The following TNRC6A variants were observed in gnomAD, a reference collection of about 807,000 sequenced individuals.
TNRC6A encodes trinucleotide repeat containing adaptor 6A, also known as trinucleotide repeat-containing gene 6A protein.
TNRC6A carries 44 observed loss-of-function variants against 221.2 expected under a neutral mutation model. The ratio of observed to expected loss-of-function variants is 0.20; its 90% confidence interval spans 0.16 to 0.26. TNRC6A has a LOEUF of 0.26. Among genes scored for constraint, TNRC6A ranks in the 10% least tolerant of loss-of-function variants. TNRC6A has a pLI of 1.00. For missense variants in TNRC6A, 2,199 were observed against 2,404.4 expected (o/e 0.91, Z 1.79); for synonymous variants, 847 against 838.5 (o/e 1.01, Z -0.18).
intron 2 of TNRC6A, among the ~76,000 whole-genome samples, chr16:24,723,933 C>T (rs1387721992): frequency 6.6e-6 from 1 of 152,188 alleles, no homozygotes. Context: ...TGATAGTACA[C>T]ATAGGTGTCA....
At chr16:24,779,126 G>A (rs1380574338) in intron 5 of TNRC6A, among the ~76,000 whole-genome samples, 1 of 152,160 alleles carries the variant, frequency 6.6e-6, no homozygotes, top group Non-Finnish European at 1.5e-5. Context: ...TTACAGGTGT[G>A]GGTTCAGATG....
intron 2 of TNRC6A, among the ~76,000 whole-genome samples, chr16:24,735,309 A>G (rs1441400565): frequency 6.6e-6 from 1 of 152,244 alleles, no homozygotes; most frequent in Non-Finnish European, 1.5e-5. Flanking sequence ...CTAGGACAGC[A>G]GGAGTAAAAC....
intron 5 of TNRC6A, among the ~76,000 whole-genome samples, chr16:24,787,528 G>A (rs2058000543): frequency 6.6e-6 from 1 of 152,102 alleles, no homozygotes; most frequent in Admixed American, 6.6e-5. Flanking sequence ...TTAGTGTGTT[G>A]GTTTGCTTAC....
At chr16:24,674,692 C>T (rs1023566239) in intron 2 of TNRC6A, among the ~76,000 whole-genome samples, 2 of 100,344 alleles carry the variant, frequency 2.0e-5, no homozygotes, top group African/African-American at 1.0e-4. Flanking sequence ...ACACTGCCCC[C>T]ACCACACACA....
chr16:24,715,249 A>G (rs988807003), intron 2 of TNRC6A, among the ~76,000 whole-genome samples: 1 of 151,852 alleles, frequency 6.6e-6, no homozygotes, highest in East Asian at 1.9e-4. Context: ...TTATTTTTTA[A>G]TTTTTTGTAG....
At chr16:24,647,525 G>A (rs777728189) in intron 2 of TNRC6A, among the ~76,000 whole-genome samples, 3 of 152,108 alleles carry the variant, frequency 2.0e-5, no homozygotes, top group African/African-American at 4.8e-5. Flanking sequence ...TTAATCATCT[G>A]TAGGTATACA....
intron 2 of TNRC6A, among the ~76,000 whole-genome samples, chr16:24,648,457 A>G (rs1269817899): frequency 6.6e-6 from 1 of 151,744 alleles, no homozygotes. Context: ...TTTTTAGTAG[A>G]GACGGGGTTT....
intron 2 of TNRC6A, among the ~76,000 whole-genome samples, chr16:24,648,324 T>G (rs1596590257): frequency 7.4e-6 from 1 of 135,338 alleles, no homozygotes; most frequent in South Asian, 2.5e-4. Flanking sequence ...CAGGCTGGAG[T>G]GCAGTGGCAC....
At chr16:24,715,451 CA>C in intron 2 of TNRC6A, among the ~76,000 whole-genome samples, 1 of 152,022 alleles carries the variant, frequency 6.6e-6, no homozygotes, top group Non-Finnish European at 1.5e-5. Context: ...ACCACTGATG[CA>C]AAACCCTCCT....
Position 24,664,314 on chromosome 16 carries a change from G to A in TNRC6A, n.402+23305G>A, listed in dbSNP as rs543329493. On this transcript the variant is annotated intron_variant and non_coding_transcript_variant, in intron 2 of 2. Transcript: ENST00000566108. ...CCACTGCACTCCAGTGTGGGGGACA[G>A]AGTGTGACCCAAATAATAATAAAAT... Among the ~76,000 whole-genome samples the A allele has an allele frequency of 1.9e-4, 28 of 151,344 alleles. 1 individual carries two copies. Among genetic ancestry groups the A allele is most frequent in the Admixed American group, 1.7e-3 (26 of 15,046 alleles).
rs12596320 is a variant in TNRC6A, at chr16:24,806,184, C to T, written c.4252-22C>T. On this transcript the variant is annotated intron_variant, in intron 15 of 24. Transcript: ENST00000395799. The stretch of plus-strand genomic sequence containing the variant: ...TTTGTAATGGTGTGATAGTAACAAC[C>T]TTTTCGCTATCTTTCCTCTAGCGAT... 0.033 allele frequency: 53,036 copies of T among 1,613,154 alleles called. 5,239 individuals carry two copies. The East Asian group carries it at 0.36, about 11-fold the overall frequency.
At position 24,736,463 on chromosome 16, in the gene TNRC6A, A is replaced by G. The variant is rs536010983; in HGVS notation, c.53+6163A>G. Among the ~76,000 whole-genome samples, 21 of 152,212 alleles carry G rather than the reference A, an allele frequency of 1.4e-4. No homozygotes were observed. In the South Asian group the frequency reaches 3.9e-3, roughly 29 times the overall value. On this transcript the variant is annotated intron_variant, in intron 2 of 24. Coordinates refer to ENST00000395799, the MANE Select transcript of TNRC6A (RefSeq NM_014494.4). ...AAAGTTGTATTTGTTCTTTCACTCA[A>G]TTGCTGTATCCTGGGTTGCATTTAG...
intron 2 of TNRC6A, among the ~76,000 whole-genome samples, chr16:24,742,941 A>C (rs2056923635): frequency 6.6e-6 from 1 of 152,204 alleles, no homozygotes. Flanking sequence ...AAATAAAATA[A>C]AATAATTAGA....
chr16:24,822,858 C>G lies in TNRC6A; in HGVS notation c.5374-16C>G, dbSNP rs1596846540. 1 of 1,612,730 alleles carries G rather than the reference C, an allele frequency of 6.2e-7. No individual in the cohort carries two copies. Among genetic ancestry groups the G allele is most frequent in the East Asian group, 2.2e-5 (1 of 44,872 alleles). On this transcript the variant is annotated splice_polypyrimidine_tract_variant and intron_variant, in intron 23 of 24. Coordinates refer to ENST00000395799, the MANE Select transcript of TNRC6A (RefSeq NM_014494.4). Reference sequence around the variant, plus strand: ...CGGTGACGCCTCTCACTGGCAGTTTCCACACTGTTTCCTAGATCGATGGCT... The same window carrying G: ...CGGTGACGCCTCTCACTGGCAGTTTGCACACTGTTTCCTAGATCGATGGCT...
chr16:24,797,344 TAAC>T lies in TNRC6A; in HGVS notation c.3562-142_3562-140del, dbSNP rs1321454032. ...ATCAAATAAGTTGATTTTTAATTATTAACAACTCTGATAAGAGTTGATTGGAGG... is the reference window on the plus strand; with the variant it reads ...ATCAAATAAGTTGATTTTTAATTATTAACTCTGATAAGAGTTGATTGGAGG... On this transcript the variant is annotated intron_variant, in intron 9 of 24. Coordinates refer to ENST00000395799, the MANE Select transcript of TNRC6A (RefSeq NM_014494.4). 7 of 547,406 alleles carry T rather than the reference TAAC, an allele frequency of 1.3e-5. No homozygotes were observed. In the Middle Eastern group the frequency reaches 1.4e-3, roughly 108 times the overall value. The allele number at this position is 547,406 out of a possible 1,614,324, so 33.9% of individuals were successfully genotyped here. A position where few individuals can be genotyped will look rare whatever the true frequency, so the allele number is the denominator to read the frequency against.
chr16:24,798,115 T>C (rs1004490717), intron 11 of TNRC6A, 149 bp downstream of exon 11: 1 of 565,764 alleles, frequency 1.8e-6, no homozygotes. Context: ...AATGAGTGCA[T>C]GTGCCTTGAA....
intron 1 of TNRC6A, among the ~76,000 whole-genome samples, chr16:24,627,318 C>T (rs1291549152): frequency 6.6e-6 from 1 of 152,098 alleles, no homozygotes. Context: ...TCCGGGTCAG[C>T]TTTCAAGTTC....
At chr16:24,717,732 C>A (rs1567384062) in intron 2 of TNRC6A, among the ~76,000 whole-genome samples, 2 of 150,136 alleles carry the variant, frequency 1.3e-5, no homozygotes, top group Non-Finnish European at 3.0e-5. Context: ...CGTCATTTAA[C>A]TCCTTGGAAG....
chr16:24,782,515 GA>G (rs2057873027), intron 5 of TNRC6A, among the ~76,000 whole-genome samples: 1 of 152,128 alleles, frequency 6.6e-6, no homozygotes, highest in African/African-American at 2.4e-5. Flanking sequence ...GACCTGTATA[GA>G]ACAAGTTTGC....
Sources: gnomAD v4.1 joint callset for allele counts (sites outside exome capture counted in the v4.1 genomes callset) on GRCh38, gnomAD v4.1.1 for gene constraint, MANE v1.5 for transcripts, NCBI Gene and HGNC (gene_info 2026-07-23, HGNC 2026-07-21) for gene names.